PDE9A: variants seen among roughly 807,000 people sequenced by gnomAD.
PDE9A encodes phosphodiesterase 9A.
PDE9A carries 60 observed loss-of-function variants against 87.4 expected under a neutral mutation model. That is an observed-to-expected ratio of 0.69 (90% CI 0.56 to 0.85). The LOEUF is 0.85. Ranked by LOEUF, PDE9A falls within the 40% of genes least tolerant of loss-of-function variation. The pLI is 0.00. For synonymous variants in PDE9A, 272 were observed against 279.4 expected (o/e 0.97, Z 0.27); for missense variants, 665 against 779.0 (o/e 0.85, Z 1.74).
rs149744483 is a variant in PDE9A at position 42,760,735 on chromosome 21, G to A, written c.1003-90G>A. The A allele has an allele frequency of 4.8e-3, 3,730 of 776,770 alleles. 33 individuals are homozygous for A. Among genetic ancestry groups the A allele is most frequent in the South Asian group, 0.019 (1,322 of 68,020 alleles). 48.1% of individuals were successfully genotyped at this position (776,770 alleles called of 1,614,324 possible). A position where few individuals can be genotyped will look rare whatever the true frequency, so the allele number is the denominator to read the frequency against. ...ATGGCTGCAGGGGCCTTTGTCCCCC[G>A]CTTACCACTCACCCAATTCCACCCC... On this transcript the variant is annotated intron_variant, in intron 12 of 19. Transcript: ENST00000291539. This position sits in a 1 kb window ranked among gnomAD's most constrained non-coding sequence, Gnocchi z 5.2.
intron 14 of PDE9A, 110 bp downstream of exon 14, chr21:42,762,349 C>A: frequency 8.5e-7 from 1 of 1,176,528 alleles, no homozygotes; most frequent in Non-Finnish European, 1.2e-6. Flanking sequence ...ACAGCAGTGC[C>A]CTGGGGACCC....
intron 1 of PDE9A, among the ~76,000 whole-genome samples, chr21:42,685,467 C>CTTTTTTTTTT (rs765252066): frequency 0.016 from 1,866 of 115,660 alleles, 211 homozygotes; most frequent in African/African-American, 0.062. Flanking sequence ...GAAAGGCAGT[C>CTTTTTTTTTT]TTTTTTTTTT....
At position 42,760,918 on chromosome 21, in the gene PDE9A, G is replaced by A. The variant is rs1258519840; in HGVS notation, c.1085+11G>A. ...CGGCTACAACAACACGTATGTACAG[G>A]ATTTTCTCTTTTTTTCCTTTTAAAA... On this transcript the variant is annotated intron_variant, in intron 13 of 19. Transcript: ENST00000291539. The surrounding 1 kb of genome is among the most constrained non-coding windows in gnomAD (Gnocchi z 5.2). 3.1e-6 allele frequency: 5 copies of A among 1,588,416 alleles called. No homozygotes were observed. Among genetic ancestry groups the A allele is most frequent in the Non-Finnish European group, 4.3e-6 (5 of 1,156,520 alleles).
intron 3 of PDE9A, chr21:42,697,491 G>A (rs2060207486): frequency 3.2e-6 from 5 of 1,578,758 alleles, no homozygotes; most frequent in Non-Finnish European, 4.4e-6. Flanking sequence ...GTCCCACCAG[G>A]TGAATACTTG....
chr21:42,702,240 T>C lies in PDE9A; in HGVS notation c.262+3229T>C, dbSNP rs1189428297. On this transcript the variant is annotated intron_variant, in intron 4 of 19. Transcript: ENST00000291539. This position sits in a 1 kb window ranked among gnomAD's most constrained non-coding sequence, Gnocchi z 4.9. Reference sequence around the variant, plus strand: ...CACTGGTCTTCCCTCCTGCAGTATCTAGTCTGCTGTTAATCTCGTTCAGTG... The same window carrying C: ...CACTGGTCTTCCCTCCTGCAGTATCCAGTCTGCTGTTAATCTCGTTCAGTG... 6.6e-6 allele frequency among the ~76,000 whole-genome samples: 1 copy of C among 152,076 alleles called. No individual in the cohort carries two copies. The highest frequency in any genetic ancestry group is 6.6e-5 in the Admixed American group (1 of 15,236).
At chr21:42,732,496 G>T (rs912097103) in intron 6 of PDE9A, among the ~76,000 whole-genome samples, 1 of 152,190 alleles carries the variant, frequency 6.6e-6, no homozygotes, top group Non-Finnish European at 1.5e-5. Flanking sequence ...CTTTTCATCG[G>T]AGTCATCCCA....
At chr21:42,668,220 C>T (rs1013368267) in intron 1 of PDE9A, among the ~76,000 whole-genome samples, 15 of 152,100 alleles carry the variant, frequency 9.9e-5, no homozygotes, top group Admixed American at 5.9e-4. Context: ...CTGGGTCCCC[C>T]GAGCACCTCC....
chr21:42,682,248 A>G (rs186792497), intron 1 of PDE9A, among the ~76,000 whole-genome samples: 39 of 152,386 alleles, frequency 2.6e-4, no homozygotes, highest in Non-Finnish European at 4.7e-4. Flanking sequence ...CCCTAAATGT[A>G]TAAGGAGTGA....
chr21:42,677,070 A>T (rs538749433), intron 1 of PDE9A, among the ~76,000 whole-genome samples: 1 of 152,258 alleles, frequency 6.6e-6, no homozygotes, highest in African/African-American at 2.4e-5. Flanking sequence ...ATGGAAAGAC[A>T]GGCTGCCCTT....
chr21:42,769,684 G>GAA (rs2056830361), intron 17 of PDE9A, among the ~76,000 whole-genome samples: 1 of 41,952 alleles, frequency 2.4e-5, no homozygotes, highest in African/African-American at 1.9e-4. Context: ...GCACACACAG[G>GAA]CACACACATA....
At chr21:42,735,921 T>C (rs903151972) in intron 7 of PDE9A, among the ~76,000 whole-genome samples, 1 of 152,172 alleles carries the variant, frequency 6.6e-6, no homozygotes, top group African/African-American at 2.4e-5. Context: ...CCAAGCCCCA[T>C]GTCGCAGGGA....
intron 4 of PDE9A, among the ~76,000 whole-genome samples, chr21:42,703,009 C>A (rs1278694940): frequency 6.6e-6 from 1 of 152,170 alleles, no homozygotes; most frequent in Non-Finnish European, 1.5e-5. Context: ...CAAGAGGAAG[C>A]TATTTTTTTG....
At chr21:42,670,358 CCACA>C (rs545468566) in intron 1 of PDE9A, among the ~76,000 whole-genome samples, 18 of 124,740 alleles carry the variant, frequency 1.4e-4, no homozygotes, top group Admixed American at 9.4e-4. Flanking sequence ...ACACACACAT[CCACA>C]CACACATTCA....
At chr21:42,679,543 A>G (rs1257742081) in intron 1 of PDE9A, among the ~76,000 whole-genome samples, 1 of 152,072 alleles carries the variant, frequency 6.6e-6, no homozygotes, top group Non-Finnish European at 1.5e-5. Context: ...CTGCTCATGG[A>G]GCTGCTGCGC....
At chr21:42,686,381 G>T in intron 2 of PDE9A, 119 bp downstream of exon 2, 1 of 763,274 alleles carries the variant, frequency 1.3e-6, no homozygotes, top group Non-Finnish European at 2.2e-6. Context: ...TTCTACAAGG[G>T]GCTCTTCGAA....
chr21:42,711,184 T>C (rs1435833192), intron 4 of PDE9A, among the ~76,000 whole-genome samples: 1 of 152,130 alleles, frequency 6.6e-6, no homozygotes, highest in African/African-American at 2.4e-5. Flanking sequence ...GGTTTTTAAT[T>C]TGGTGAATTC....
intron 4 of PDE9A, among the ~76,000 whole-genome samples, chr21:42,726,143 C>T (rs141619159): frequency 4.1e-4 from 63 of 152,240 alleles, no homozygotes; most frequent in African/African-American, 1.3e-3. Context: ...ATCTCTTGCC[C>T]GCTTTCAAGT....
rs1254812975 is a variant in PDE9A at position 42,754,054 on chromosome 21, A to G, written c.800A>G (p.Glu267Gly). 2.5e-6 allele frequency: 4 copies of G among 1,611,538 alleles called. No individual in the cohort carries two copies. The highest frequency in any genetic ancestry group is 3.4e-6 in the Non-Finnish European group (4 of 1,178,214). Reference protein sequence around the residue: ...RKPTFDVWLWEPNEMLSCLEH... With the variant: ...RKPTFDVWLWGPNEMLSCLEH... Reference sequence around the variant, plus strand: ...CCGACCTTTGACGTCTGGCTTTGGGAGCCCAATGAGGTAAGTGCGGGGCTT... The same window carrying G: ...CCGACCTTTGACGTCTGGCTTTGGGGGCCCAATGAGGTAAGTGCGGGGCTT... Residue 267 changes from glutamate to glycine, a missense_variant, in exon 10 of 20, where the codon GAG (glutamate) becomes GGG (glycine). Coordinates refer to ENST00000291539, the MANE Select transcript of PDE9A (RefSeq NM_002606.3).
chr21:42,664,103 C>T (rs1274098624), intron 1 of PDE9A, among the ~76,000 whole-genome samples: 1 of 152,240 alleles, frequency 6.6e-6, no homozygotes, highest in East Asian at 1.9e-4. Flanking sequence ...CCAGCTCCCA[C>T]CTGCCCCTCG....
Sources: gnomAD v4.1 joint callset for allele counts (sites outside exome capture counted in the v4.1 genomes callset) on GRCh38, gnomAD v4.1.1 for gene constraint, Gnocchi (gnomAD v3.1) non-coding constraint, MANE v1.5 for transcripts, NCBI Gene and HGNC (gene_info 2026-07-23, HGNC 2026-07-21) for gene names.